GAB2: variants seen among roughly 807,000 people sequenced by gnomAD.
GAB2 encodes the protein GRB2 associated binding protein 2.
GAB2 carries 26 observed loss-of-function variants against 65.5 expected under a neutral mutation model. That is an observed-to-expected ratio of 0.40 (90% CI 0.29 to 0.55). The LOEUF is 0.55. Ranked by LOEUF, GAB2 falls within the 20% of genes least tolerant of loss-of-function variation. GAB2 has a pLI of 0.53. For synonymous variants in GAB2, 321 were observed against 329.6 expected (o/e 0.97, Z 0.28); for missense variants, 884 against 875.8 (o/e 1.01, Z -0.12).
chr11:78,393,457 A>G (rs1324300768), intron 1 of GAB2, among the ~76,000 whole-genome samples: 1 of 152,240 alleles, frequency 6.6e-6, no homozygotes, highest in Non-Finnish European at 1.5e-5. Context: ...ATCCAAATCA[A>G]AACAACTATT....
intron 1 of GAB2, among the ~76,000 whole-genome samples, chr11:78,352,894 TCTC>T (rs1383810872): frequency 6.6e-6 from 1 of 152,188 alleles, no homozygotes; most frequent in Non-Finnish European, 1.5e-5. Flanking sequence ...AGCTAAAAGT[TCTC>T]CTGACCTGCT....
intron 1 of GAB2, among the ~76,000 whole-genome samples, chr11:78,351,081 G>A (rs936120429): frequency 1.3e-5 from 2 of 152,116 alleles, no homozygotes; most frequent in Non-Finnish European, 2.9e-5. Flanking sequence ...GCTGTTGACC[G>A]AGGCAACTGT....
intron 1 of GAB2, among the ~76,000 whole-genome samples, chr11:78,314,594 G>A (rs1855563394): frequency 6.6e-6 from 1 of 152,136 alleles, no homozygotes; most frequent in African/African-American, 2.4e-5. Context: ...ATTCACTGAA[G>A]GTTACAAGTA....
At chr11:78,339,788 G>T (rs1381043557) in intron 1 of GAB2, among the ~76,000 whole-genome samples, 1 of 152,178 alleles carries the variant, frequency 6.6e-6, no homozygotes. Flanking sequence ...ACTCCTCATA[G>T]ATCACGGAAA....
intron 3 of GAB2, among the ~76,000 whole-genome samples, chr11:78,235,221 C>T (rs1031563665): frequency 3.3e-5 from 5 of 151,744 alleles, no homozygotes; most frequent in African/African-American, 1.2e-4. Context: ...GGCACGATCT[C>T]GGCTCACTGC....
intron 1 of GAB2, among the ~76,000 whole-genome samples, chr11:78,388,683 T>C (rs1856798044): frequency 6.6e-6 from 1 of 152,172 alleles, no homozygotes; most frequent in African/African-American, 2.4e-5. Context: ...ATTTCTCTTG[T>C]CTTTATCCAA....
At chr11:78,270,480 G>A (rs1865981295) in intron 2 of GAB2, among the ~76,000 whole-genome samples, 1 of 152,180 alleles carries the variant, frequency 6.6e-6, no homozygotes, top group African/African-American at 2.4e-5. Context: ...AGGAGTCAGA[G>A]GACACAGCCA....
At chr11:78,383,581 CAAAA>C (rs534814220) in intron 1 of GAB2, among the ~76,000 whole-genome samples, 12 of 55,572 alleles carry the variant, frequency 2.2e-4, no homozygotes, top group East Asian at 1.2e-3. Flanking sequence ...CCTGTCTCTC[CAAAA>C]AAAAAAAAAA....
At chr11:78,399,123 G>T (rs546966205) in intron 1 of GAB2, among the ~76,000 whole-genome samples, 1 of 152,280 alleles carries the variant, frequency 6.6e-6, no homozygotes, top group African/African-American at 2.4e-5. Context: ...CATAAAAATG[G>T]GTTAGAGGGG....
rs1356067393 is a variant in GAB2 at position 78,270,061 on chromosome 11, G to C, written c.376+10540C>G. ...AGTTTAGCCATCAGAGGTTAATATCGATGTACAGATAGCACTGAGCACTTT... is the reference window on the plus strand; with the variant it reads ...AGTTTAGCCATCAGAGGTTAATATCCATGTACAGATAGCACTGAGCACTTT... On this transcript the variant is annotated intron_variant, in intron 2 of 9. Coordinates refer to ENST00000361507, the MANE Select transcript of GAB2 (RefSeq NM_080491.3). 2.0e-5 allele frequency among the ~76,000 whole-genome samples: 3 copies of C among 152,206 alleles called. No individual in the cohort carries two copies. The South Asian group carries it at 6.2e-4, about 32-fold the overall frequency.
intron 1 of GAB2, among the ~76,000 whole-genome samples, chr11:78,411,866 C>T (rs1427995845): frequency 6.6e-6 from 1 of 152,024 alleles, no homozygotes; most frequent in African/African-American, 2.4e-5. Context: ...CCTGTCTCTA[C>T]TAAAAATACA....
At chr11:78,362,157 C>A (rs557171202) in intron 1 of GAB2, among the ~76,000 whole-genome samples, 1 of 151,066 alleles carries the variant, frequency 6.6e-6, no homozygotes, top group African/African-American at 2.4e-5. Context: ...TATTTGTATG[C>A]GTATTTATAA....
chr11:78,337,926 C>A (rs145568080), intron 1 of GAB2, among the ~76,000 whole-genome samples: 47 of 152,326 alleles, frequency 3.1e-4, no homozygotes, highest in African/African-American at 1.1e-3. Flanking sequence ...AGACCCGAGG[C>A]CAGGCCAGGT....
rs1200484103 is a variant in GAB2, at chr11:78,291,555, CTTTTTCTTTTTTTTTTT to C, written c.76-10671_76-10655del. ...CCTATCTTGAGAGACTTACTTTTTT[CTTTTTCTTTTTTTTTTT>C]TTTTTTTTTTTTTTTTTGCGACAGG... On this transcript the variant is annotated intron_variant, in intron 1 of 9. Transcript: ENST00000361507. Among the ~76,000 whole-genome samples the C allele has an allele frequency of 2.9e-4, 16 of 55,046 alleles. 1 individual carries two copies. The highest frequency in any genetic ancestry group is 8.7e-4 in the Admixed American group (3 of 3,448). 36.1% of individuals were successfully genotyped at this position (55,046 alleles called of 152,430 possible).
chr11:78,276,899 G>C (rs1246897451), intron 2 of GAB2, among the ~76,000 whole-genome samples: 2 of 152,102 alleles, frequency 1.3e-5, no homozygotes, highest in Non-Finnish European at 1.5e-5. Context: ...CTCACTACAA[G>C]CTCCGCCTCC....
chr11:78,253,004 CTTTTTTTT>C (rs984989129), intron 2 of GAB2, among the ~76,000 whole-genome samples: 1 of 106,948 alleles, frequency 9.4e-6, no homozygotes, highest in Non-Finnish European at 1.7e-5. Flanking sequence ...AATATCTTTC[CTTTTTTTT>C]TTTTTTTTTT....
chr11:78,370,126 G>A (rs952411676), intron 1 of GAB2, among the ~76,000 whole-genome samples: 17 of 150,148 alleles, frequency 1.1e-4, no homozygotes, highest in East Asian at 1.9e-4. Context: ...GCGTAGTGGC[G>A]GGCGCCTGTA....
intron 1 of GAB2, among the ~76,000 whole-genome samples, chr11:78,331,308 C>T (rs1855910402): frequency 6.7e-6 from 1 of 149,384 alleles, no homozygotes; most frequent in Non-Finnish European, 1.5e-5. Flanking sequence ...TGCAGTGGCA[C>T]AATCTCGGCT....
At chr11:78,269,210 G>T (rs1044975259) in intron 2 of GAB2, among the ~76,000 whole-genome samples, 1 of 152,144 alleles carries the variant, frequency 6.6e-6, no homozygotes, top group African/African-American at 2.4e-5. Flanking sequence ...TGAGAGAGGA[G>T]TCTCAGCCTG....
Sources: allele counts gnomAD v4.1 joint callset (sites outside exome capture counted in the v4.1 genomes callset), GRCh38; gene constraint gnomAD v4.1.1; transcripts MANE v1.5; gene names NCBI Gene and HGNC (gene_info 2026-07-23, HGNC 2026-07-21).